COL16A1: variants seen among roughly 807,000 people sequenced by gnomAD.
The protein encoded by COL16A1 is collagen type XVI alpha 1 chain, also known as collagen alpha-1(XVI) chain.
A neutral mutation model predicts 266.3 loss-of-function variants in COL16A1; 189 were observed. The observed-to-expected ratio is 0.71, with a 90% CI of 0.63 to 0.80. The LOEUF is 0.80. COL16A1 is among the 30% of genes least tolerant of loss of function. The pLI is 0.00. For synonymous variants in COL16A1, 740 were observed against 782.3 expected, an observed-to-expected ratio of 0.95 and a Z score of 0.90; for missense variants, 1,928 against 2,122.4, an observed-to-expected ratio of 0.91 and a Z score of 1.80.
chr1:31,661,443 T>A lies in COL16A1; in HGVS notation c.3742A>T (p.Thr1248Ser). Residue 1248 changes from threonine to serine, a missense_variant, in exon 60 of 71, where the codon ACA becomes TCA. Around this residue, in one of 2 missense-constraint regions of COL16A1, gnomAD observed 376 missense variants for 485.2 expected, o/e 0.77. Coordinates refer to ENST00000373672, the MANE Select transcript of COL16A1 (RefSeq NM_001856.4). The stretch of plus-strand genomic sequence containing the variant: ...GGTCCTGGGAGGCCAGGATGTCCTG[T>A]TTTCCCCTTAAAGCCCTGAAAGAAA... ...LMGPPGFKGKTGHPGLPGPKG... is the reference protein window; with the variant it reads ...LMGPPGFKGKSGHPGLPGPKG... 6.2e-7 allele frequency: 1 copy of A among 1,614,124 alleles called. No homozygotes were observed. Among genetic ancestry groups the A allele is most frequent in the Non-Finnish European group, 8.5e-7 (1 of 1,180,026 alleles).
chr1:31,655,185 G>C (rs12032710), intron 67 of COL16A1, 129 bp downstream of exon 67: 2 of 1,429,736 alleles, frequency 1.4e-6, no homozygotes, highest in East Asian at 4.8e-5. Context: ...ACACAGTTAA[G>C]AGCTGCCCTC....
At chr1:31,682,904 C>G (rs766707787) in intron 37 of COL16A1, 30 bp downstream of exon 37, 97 of 1,613,132 alleles carry the variant, frequency 6.0e-5, no homozygotes, top group Non-Finnish European at 8.0e-5. Flanking sequence ...TCCAGCAACA[C>G]CACCAGCATG....
chr1:31,696,064 T>A, intron 9 of COL16A1, 24 bp downstream of exon 9: 1 of 1,595,642 alleles, frequency 6.3e-7, no homozygotes, highest in Non-Finnish European at 8.6e-7. Context: ...GCAGGTAGGC[T>A]CCTCCCCCCA....
chr1:31,665,898 C>G lies in COL16A1; in HGVS notation c.3440G>C (p.Gly1147Ala), dbSNP rs1177264800. The change falls in exon 54 of 71, where the codon GGT becomes GCT. Residue 1147 changes from glycine to alanine, a missense_variant. Physicochemically the swap from Gly to Ala is moderately conservative, Grantham distance 60. Transcript: ENST00000373672. Reference protein sequence around the residue: ...RGERGPQGNSGEKGDQGFQGQ... With the variant: ...RGERGPQGNSAEKGDQGFQGQ... The stretch of plus-strand genomic sequence containing the variant: ...GTCACTCACCTGGTCGCCCTTCTCA[C>G]CGGAGTTACCTTGGGGTCCTCGCTC... 6.2e-7 allele frequency: 1 copy of G among 1,614,144 alleles called. No individual in the cohort carries two copies. The highest frequency in any genetic ancestry group is 1.1e-5 in the South Asian group (1 of 91,080).
At chr1:31,661,044 C>T (rs1641611987) in intron 61 of COL16A1, 22 bp downstream of exon 61, 2 of 1,553,982 alleles carry the variant, frequency 1.3e-6, no homozygotes, top group South Asian at 1.2e-5. Context: ...TGAAGGCAGC[C>T]ATGTGGATCC....
chr1:31,694,808 G>C (rs1226456526), intron 11 of COL16A1, among the ~76,000 whole-genome samples: 3 of 152,218 alleles, frequency 2.0e-5, no homozygotes, highest in African/African-American at 7.2e-5. Flanking sequence ...TTGCCGTGCT[G>C]AGCCAGCTCT....
chr1:31,660,599 G>C lies in COL16A1; in HGVS notation c.3865C>G (p.Pro1289Ala). 12 of 1,614,176 alleles carry C rather than the reference G, an allele frequency of 7.4e-6. No homozygotes were observed. Among genetic ancestry groups the C allele is most frequent in the South Asian group, 1.1e-5 (1 of 91,068 alleles). ...GAMGPQGRPG[P>A]PGHVGPPGPP... ...GTTCAACTCACAACGTGTCCCGGGG[G>C]ACCGGGTCTTCCCTGGGGTCCCATG... The change falls in exon 62 of 71, where the codon CCC (proline) becomes GCC (alanine). Residue 1289 changes from proline to alanine, a missense_variant. By Grantham distance (27) the Pro-to-Ala change is conservative (BLOSUM62 -1). This residue lies in a region of COL16A1 where 376 missense variants were observed against 485.2 expected (regional missense o/e 0.77). Transcript: ENST00000373672.
chr1:31,684,230 C>T lies in COL16A1; in HGVS notation c.2162G>A (p.Gly721Asp), dbSNP rs1033151877. 6.7e-7 allele frequency: 1 copy of T among 1,491,752 alleles called. No homozygotes were observed. The highest frequency in any genetic ancestry group is 8.9e-7 in the Non-Finnish European group (1 of 1,118,358). 92.4% of individuals were successfully genotyped at this position (1,491,752 alleles called of 1,614,324 possible). A position where few individuals can be genotyped will look rare whatever the true frequency, so the allele number is the denominator to read the frequency against. The part of the protein sequence containing the change: ...QGPAGPKGEK[G>D]DGCTACPSLQ... ...GCTGGGGCAGGCAGTGCAGCCATCA[C>T]CCTGGTCAGAGATGGGTACAGCCAG... Residue 721 changes from glycine to aspartate, a missense_variant and splice_region_variant, in exon 32 of 71, where the codon GGT (glycine) becomes GAT (aspartate). Gly to Asp is a moderately conservative substitution (Grantham distance 94). This residue lies in a region of COL16A1 where 1,552 missense variants were observed against 1,637.2 expected (regional missense o/e 0.95). Transcript: ENST00000373672.
intron 47 of COL16A1, 147 bp from the exon 48 acceptor site, chr1:31,671,806 A>T: frequency 1.1e-6 from 1 of 905,548 alleles, no homozygotes; most frequent in South Asian, 1.6e-5. Context: ...TGATGTTCGA[A>T]CAATCTTTCA....
intron 47 of COL16A1, 26 bp downstream of exon 47, chr1:31,672,390 G>A (rs200826875): frequency 4.6e-4 from 750 of 1,613,412 alleles, no homozygotes; most frequent in Non-Finnish European, 5.9e-4. Flanking sequence ...GCTCCCTTGA[G>A]GATGAATCCC....
At chr1:31,694,049 C>T in intron 12 of COL16A1, 95 bp downstream of exon 12, 1 of 1,194,548 alleles carries the variant, frequency 8.4e-7, no homozygotes, top group Non-Finnish European at 1.2e-6. Flanking sequence ...CTCAGGTGGC[C>T]CTGATAGAAA....
chr1:31,686,192 G>T (rs909612683), intron 27 of COL16A1, 52 bp downstream of exon 27: 47 of 1,614,020 alleles, frequency 2.9e-5, no homozygotes, highest in Non-Finnish European at 3.8e-5. Flanking sequence ...ATGCCTATCA[G>T]CCCCTCCCAC....
At chr1:31,700,248 C>T (rs533921120) in intron 2 of COL16A1, 133 bp from the exon 3 acceptor site, 4 of 808,126 alleles carry the variant, frequency 4.9e-6, no homozygotes, top group Non-Finnish European at 8.2e-6. Context: ...CCTGCCTTCA[C>T]CACCTGCCTT....
chr1:31,688,705 G>A lies in COL16A1; in HGVS notation c.1767+156C>T, dbSNP rs775075178. On this transcript the variant is annotated intron_variant, in intron 25 of 70. Coordinates refer to ENST00000373672, the MANE Select transcript of COL16A1 (RefSeq NM_001856.4). This position sits in a 1 kb window ranked among gnomAD's most constrained non-coding sequence, Gnocchi z 4.9. ...GGCAAGGAGCCTGGGGCAGCACAGG[G>A]ACGGAGGGAGGGACCAGGAGACAGG... 1.4e-5 allele frequency: 15 copies of A among 1,053,002 alleles called. No individual in the cohort carries two copies. The highest frequency in any genetic ancestry group is 2.1e-5 in the Non-Finnish European group (15 of 711,654). 65.2% of individuals were successfully genotyped at this position (1,053,002 alleles called of 1,614,324 possible).
At chr1:31,660,770 C>G in intron 61 of COL16A1, 132 bp from the exon 62 acceptor site, 1 of 1,335,900 alleles carries the variant, frequency 7.5e-7, no homozygotes, top group South Asian at 1.4e-5. Context: ...CAATTCCCAG[C>G]CTCCAGACCC....
Position 31,679,679 on chromosome 1 carries a change from G to A in COL16A1, c.2725C>T (p.Pro909Ser). Reference protein sequence around the residue: ...SSWQPGPQGPPGIPGPPGPPG... With the variant: ...SSWQPGPQGPSGIPGPPGPPG... ...GGGCCTGGTGGTCCGGGAATACCTG[G>A]TGGACCCTGAGGGAGAGAGAAAAGA... The change falls in exon 42 of 71, where the codon CCA (proline) becomes TCA (serine). Residue 909 changes from proline (P) to serine (S), a missense_variant. Pro to Ser is a moderately conservative substitution (Grantham distance 74, BLOSUM62 -1). Coordinates refer to ENST00000373672, the MANE Select transcript of COL16A1 (RefSeq NM_001856.4). 1 of 1,614,110 alleles carries A rather than the reference G, an allele frequency of 6.2e-7. No individual in the cohort carries two copies. The highest frequency in any genetic ancestry group is 1.3e-5 in the African/African-American group (1 of 75,058).
At chr1:31,676,596 TCA>T (rs1220134186) in intron 42 of COL16A1, among the ~76,000 whole-genome samples, 1 of 152,192 alleles carries the variant, frequency 6.6e-6, no homozygotes, top group Admixed American at 6.5e-5. Context: ...ATTCTATGCC[TCA>T]GTTGCCTTAT....
At chr1:31,695,405 C>A (rs1208204135) in intron 10 of COL16A1, among the ~76,000 whole-genome samples, 184 bp from the exon 11 acceptor site, 1 of 145,280 alleles carries the variant, frequency 6.9e-6, no homozygotes, top group African/African-American at 2.6e-5. Flanking sequence ...AGCCCCACAG[C>A]CATTTTTCAG....
chr1:31,697,031 T>C lies in COL16A1; in HGVS notation c.796A>G (p.Ile266Val). Residue 266 changes from isoleucine (I) to valine (V), a missense_variant, in exon 8 of 71, where the codon ATC (isoleucine) becomes GTC (valine). By Grantham distance (29) the Ile-to-Val change is conservative (BLOSUM62 3). This residue lies in a region of COL16A1 where 1,552 missense variants were observed against 1,637.2 expected (regional missense o/e 0.95). Transcript: ENST00000373672. The surrounding 1 kb of genome is among the most constrained non-coding windows in gnomAD (Gnocchi z 4.2). ...RDTQSNELIE[I>V]NPQSEGKVYT... is the part of the protein sequence containing the mutation. Reference sequence around the variant, plus strand: ...ACCTTGCCTTCAGACTGTGGATTGATCTCAATGAGCTCATTGCTCTGGGTG... The same window carrying C: ...ACCTTGCCTTCAGACTGTGGATTGACCTCAATGAGCTCATTGCTCTGGGTG... 1.2e-6 allele frequency: 2 copies of C among 1,614,032 alleles called. No homozygotes were observed. Among genetic ancestry groups the C allele is most frequent in the Non-Finnish European group, 1.7e-6 (2 of 1,179,978 alleles).
Sources: gnomAD v4.1 joint callset for allele counts (sites outside exome capture counted in the v4.1 genomes callset) on GRCh38, gnomAD v4.1.1 for gene constraint, gnomAD v4.1.1 regional missense constraint, Gnocchi (gnomAD v3.1) non-coding constraint, MANE v1.5 for transcripts, NCBI Gene and HGNC (gene_info 2026-07-23, HGNC 2026-07-21) for gene names.